FCHO2: variants seen among roughly 807,000 people sequenced by gnomAD.
The protein encoded by FCHO2 is FCH and mu domain containing endocytic adaptor 2, also known as F-BAR domain only protein 2.
In FCHO2, 43 loss-of-function variants were observed where a neutral mutation model predicts 114.1. That is an observed-to-expected ratio of 0.38 (90% CI 0.30 to 0.49). The LOEUF is 0.49. Among genes scored for constraint, FCHO2 ranks in the 20% least tolerant of loss-of-function variants. The pLI, the probability that FCHO2 is intolerant of heterozygous loss-of-function variation, is 0.97. For synonymous variants in FCHO2, 293 were observed against 315.2 expected (o/e 0.93, Z 0.75); for missense variants, 807 against 950.4 (o/e 0.85, Z 1.98).
intron 5 of FCHO2, among the ~76,000 whole-genome samples, chr5:73,000,471 TAA>T (rs759939269): frequency 0.14 from 10,594 of 74,182 alleles, 675 homozygotes; most frequent in East Asian, 0.35. Flanking sequence ...AACTCAGTCT[TAA>T]AAAAAAAAAA....
At chr5:73,066,208 C>T (rs1440760959) in intron 18 of FCHO2, among the ~76,000 whole-genome samples, 1 of 151,958 alleles carries the variant, frequency 6.6e-6, no homozygotes, top group African/African-American at 2.4e-5. Flanking sequence ...CCATACACTA[C>T]CCTCTCCCCA....
At chr5:72,992,383 G>A (rs1333724678) in intron 5 of FCHO2, among the ~76,000 whole-genome samples, 29 of 152,048 alleles carry the variant, frequency 1.9e-4, no homozygotes, top group Admixed American at 1.9e-3. Context: ...AAGGGAAAAC[G>A]AAATAACAGG....
chr5:73,004,845 AGTT>A (rs986685535), intron 5 of FCHO2, among the ~76,000 whole-genome samples: 6 of 152,182 alleles, frequency 3.9e-5, no homozygotes, highest in South Asian at 2.1e-4. Flanking sequence ...ATATTTTATT[AGTT>A]GTTAATCTCT....
chr5:73,010,951 G>C (rs1319323886), intron 6 of FCHO2, among the ~76,000 whole-genome samples: 1 of 148,348 alleles, frequency 6.7e-6, no homozygotes, highest in Non-Finnish European at 1.5e-5. Flanking sequence ...GACTGCTACA[G>C]ACCTGGCTAT....
At chr5:73,004,225 C>G (rs1345819515) in intron 5 of FCHO2, among the ~76,000 whole-genome samples, 1 of 151,988 alleles carries the variant, frequency 6.6e-6, no homozygotes, top group Non-Finnish European at 1.5e-5. Flanking sequence ...AAAATAAATT[C>G]TAGCAAACTT....
intron 9 of FCHO2, among the ~76,000 whole-genome samples, chr5:73,035,781 C>T (rs537196646): frequency 7.2e-5 from 11 of 151,936 alleles, no homozygotes; most frequent in African/African-American, 2.7e-4. Flanking sequence ...GGATTACAGG[C>T]GTGAGCCACC....
Position 72,973,488 on chromosome 5 carries a change from G to A in FCHO2, c.125+4899G>A, listed in dbSNP as rs1162044204. ...CTTCTAGATTTTCTAGTTTATTTGC[G>A]TAGAGGTGTTGGTAGTATTCTCTGA... is the stretch of plus-strand genomic sequence containing the variant. On this transcript the variant is annotated intron_variant, in intron 2 of 25. Coordinates refer to ENST00000430046, the MANE Select transcript of FCHO2 (RefSeq NM_138782.3). 7.2e-3 allele frequency among the ~76,000 whole-genome samples: 1,098 copies of A among 152,188 alleles called. 16 individuals carry two copies. Among genetic ancestry groups the A allele is most frequent in the African/African-American group, 0.025 (1,042 of 41,516 alleles).
chr5:73,034,431 C>G (rs1237491362), intron 8 of FCHO2: 1 of 396,502 alleles, frequency 2.5e-6, no homozygotes, highest in Non-Finnish European at 4.4e-6. Context: ...TTATTGTGAT[C>G]ATAATGGGCT....
intron 18 of FCHO2, among the ~76,000 whole-genome samples, chr5:73,066,935 ATAATT>A (rs560206906): frequency 6.2e-4 from 95 of 152,214 alleles, no homozygotes; most frequent in Non-Finnish European, 9.9e-4. Context: ...TAAGCAACAT[ATAATT>A]TAAAGTTTTC....
At chr5:72,997,366 TAAGAC>T in intron 5 of FCHO2, 1 of 1,591,424 alleles carries the variant, frequency 6.3e-7, no homozygotes. Context: ...GAAGCATTCT[TAAGAC>T]GAGATACTAC....
At chr5:73,002,227 C>T (rs1366281317) in intron 5 of FCHO2, among the ~76,000 whole-genome samples, 1 of 152,100 alleles carries the variant, frequency 6.6e-6, no homozygotes, top group Non-Finnish European at 1.5e-5. Flanking sequence ...ATGGTTTTAT[C>T]CCTCTTGACT....
At chr5:73,013,130 T>C (rs1004190162) in intron 6 of FCHO2, among the ~76,000 whole-genome samples, 1 of 152,238 alleles carries the variant, frequency 6.6e-6, no homozygotes, top group African/African-American at 2.4e-5. Context: ...TGGTACTGTA[T>C]TCTCGTTGAC....
At chr5:72,959,279 G>A (rs1751722343) in intron 1 of FCHO2, among the ~76,000 whole-genome samples, 1 of 152,164 alleles carries the variant, frequency 6.6e-6, no homozygotes, top group African/African-American at 2.4e-5. Flanking sequence ...GGCTGAGGCA[G>A]GGGAATGGAT....
intron 13 of FCHO2, 102 bp from the exon 14 acceptor site, chr5:73,054,058 T>C (rs947154386): frequency 4.6e-6 from 4 of 861,812 alleles, no homozygotes; most frequent in Admixed American, 6.7e-5. Context: ...AAGGTGTATA[T>C]AGTTTAGATA....
At chr5:73,031,932 T>G (rs1381606462) in intron 8 of FCHO2, among the ~76,000 whole-genome samples, 1 of 152,256 alleles carries the variant, frequency 6.6e-6, no homozygotes, top group East Asian at 1.9e-4. Flanking sequence ...ATTCCAGTTG[T>G]AGCAAACTAT....
intron 11 of FCHO2, among the ~76,000 whole-genome samples, chr5:73,047,739 T>C (rs571019853): frequency 6.6e-6 from 1 of 152,316 alleles, no homozygotes; most frequent in East Asian, 1.9e-4. Flanking sequence ...AAGTCATCTC[T>C]AGACTACTTA....
chr5:73,037,053 TTATG>T (rs752255330), intron 9 of FCHO2, 86 bp from the exon 10 acceptor site: 10 of 833,604 alleles, frequency 1.2e-5, no homozygotes, highest in African/African-American at 1.8e-5. Context: ...TATGAGCAAA[TTATG>T]TGTGAGGATG....
chr5:73,086,245 A>G (rs933514800), intron 24 of FCHO2, among the ~76,000 whole-genome samples: 3 of 152,238 alleles, frequency 2.0e-5, no homozygotes, highest in Non-Finnish European at 2.9e-5. Context: ...CTCTTGGTCT[A>G]TGGTAGAACT....
chr5:72,984,606 A>T (rs2112653490), intron 2 of FCHO2, among the ~76,000 whole-genome samples: 1 of 152,276 alleles, frequency 6.6e-6, no homozygotes, highest in African/African-American at 2.4e-5. Context: ...TTGAAAAGTT[A>T]TGTTTTTCTA....
Sources: gnomAD v4.1 joint callset for allele counts (sites outside exome capture counted in the v4.1 genomes callset) on GRCh38, gnomAD v4.1.1 for gene constraint, MANE v1.5 for transcripts, NCBI Gene and HGNC (gene_info 2026-07-23, HGNC 2026-07-21) for gene names.